PDE6D: variants seen among roughly 807,000 people sequenced by gnomAD.
PDE6D encodes phosphodiesterase 6D.
Under a neutral mutation model 21.9 loss-of-function variants are expected in PDE6D, and 10 were observed. The observed-to-expected ratio is 0.46, with a 90% CI of 0.28 to 0.78. The LOEUF (loss-of-function observed/expected upper bound fraction) is 0.78, where lower values mean the gene tolerates loss of function less well. Ranked by LOEUF, PDE6D falls within the 30% of genes least tolerant of loss-of-function variation. PDE6D has a pLI of 0.12. For synonymous variants in PDE6D, 59 were observed against 63.5 expected, an observed-to-expected ratio of 0.93 and a Z score of 0.34; for missense variants, 139 against 184.8, an observed-to-expected ratio of 0.75 and a Z score of 1.44.
At chr2:231,736,963 T>A (rs1400460656) in intron 4 of PDE6D, among the ~76,000 whole-genome samples, 1 of 152,234 alleles carries the variant, frequency 6.6e-6, no homozygotes, top group Non-Finnish European at 1.5e-5. Flanking sequence ...TGGTTTAATC[T>A]AAAGTTTTAT....
At chr2:231,766,977 G>C (rs1559330880) in intron 1 of PDE6D, among the ~76,000 whole-genome samples, 1 of 129,604 alleles carries the variant, frequency 7.7e-6, no homozygotes, top group African/African-American at 2.9e-5. Context: ...CTGGGTGACA[G>C]AGCGAGACTC....
At chr2:231,734,859 A>AAAC (rs1553555550) in intron 4 of PDE6D, among the ~76,000 whole-genome samples, 8 of 110,564 alleles carry the variant, frequency 7.2e-5, no homozygotes, top group African/African-American at 2.6e-4. Context: ...AAAAAAAAAC[A>AAAC]AAAAAAAAAA....
chr2:231,755,703 C>T (rs1012937432), intron 1 of PDE6D, among the ~76,000 whole-genome samples: 4 of 152,036 alleles, frequency 2.6e-5, no homozygotes, highest in Admixed American at 6.6e-5. Context: ...GGCGGATCAA[C>T]TGAGGTCAGG....
At chr2:231,778,450 T>C (rs1446336403) in intron 1 of PDE6D, among the ~76,000 whole-genome samples, 1 of 151,570 alleles carries the variant, frequency 6.6e-6, no homozygotes, top group African/African-American at 2.4e-5. Context: ...AAAACAAAAT[T>C]AACAAACAAT....
Position 231,781,281 on chromosome 2 carries a change from A to G in PDE6D, c.-167T>C. 1.6e-6 allele frequency: 1 copy of G among 627,594 alleles called. No homozygotes were observed. Among genetic ancestry groups the G allele is most frequent in the African/African-American group, 1.9e-5 (1 of 52,884 alleles). 38.9% of individuals were successfully genotyped at this position (627,594 alleles called of 1,614,324 possible). A position where few individuals can be genotyped will look rare whatever the true frequency, so the allele number is the denominator to read the frequency against. ...TCTCTCCCCTCAGCTCCCGCTTCTG[A>G]TCCCTTCTCCTTCCCCCTAGCCTCG... is the stretch of plus-strand genomic sequence containing the variant. On this transcript the variant is annotated 5_prime_UTR_variant, in exon 1 of 5. Coordinates refer to ENST00000287600, the MANE Select transcript of PDE6D (RefSeq NM_002601.4).
rs777570854 is a variant in PDE6D, at chr2:231,739,271, C to G, written c.51-83G>C. The G allele has an allele frequency of 2.3e-6, 2 of 854,648 alleles. No homozygotes were observed. The highest frequency in any genetic ancestry group is 4.1e-6 in the Non-Finnish European group (2 of 490,128). The allele number at this position is 854,648 out of a possible 1,614,324, so 52.9% of individuals were successfully genotyped here. A position where few individuals can be genotyped will look rare whatever the true frequency, so the allele number is the denominator to read the frequency against. ...CTAGGTGTCTCATGTTTACTCCCAC[C>G]AACTCTTGTTTACTTTTTAAAAAGT... is the stretch of plus-strand genomic sequence containing the variant. On this transcript the variant is annotated intron_variant, in intron 1 of 4. Transcript: ENST00000287600. This position sits in a 1 kb window ranked among gnomAD's most constrained non-coding sequence, Gnocchi z 4.2.
chr2:231,761,469 C>T (rs1559327137), intron 1 of PDE6D, among the ~76,000 whole-genome samples: 1 of 152,214 alleles, frequency 6.6e-6, no homozygotes, highest in African/African-American at 2.4e-5. Context: ...AGCCACCAGG[C>T]CTGGCCTATG....
chr2:231,765,104 GA>G (rs77929701), intron 1 of PDE6D, among the ~76,000 whole-genome samples: 8,961 of 133,664 alleles, frequency 0.067, 290 homozygotes, highest in South Asian at 0.098. Flanking sequence ...CCACGGAAGG[GA>G]AAAAAAAAAA....
intron 1 of PDE6D, among the ~76,000 whole-genome samples, chr2:231,760,425 T>C (rs1411874210): frequency 6.6e-6 from 1 of 152,244 alleles, no homozygotes; most frequent in Non-Finnish European, 1.5e-5. Flanking sequence ...ATTATTATTA[T>C]AGCTCTTACA....
intron 4 of PDE6D, 70 bp downstream of exon 4, chr2:231,737,117 A>C (rs2048707771): frequency 1.2e-6 from 1 of 832,486 alleles, no homozygotes; most frequent in Non-Finnish European, 2.0e-6. Context: ...GAATGGCACC[A>C]GGAGTCCCAC....
intron 1 of PDE6D, among the ~76,000 whole-genome samples, chr2:231,776,705 A>G (rs1342469500): frequency 6.6e-6 from 1 of 152,228 alleles, no homozygotes; most frequent in Non-Finnish European, 1.5e-5. Flanking sequence ...TATACATAAT[A>G]GTCACCCAAC....
intron 4 of PDE6D, among the ~76,000 whole-genome samples, chr2:231,735,331 G>C (rs1333595253): frequency 7.5e-6 from 1 of 133,368 alleles, no homozygotes. Context: ...GTGGAGTCTC[G>C]CCCTGTCACC....
At chr2:231,756,255 G>A (rs886623928) in intron 1 of PDE6D, among the ~76,000 whole-genome samples, 3 of 152,040 alleles carry the variant, frequency 2.0e-5, no homozygotes, top group African/African-American at 7.2e-5. Context: ...CAAAGGTTTG[G>A]GCAAGAAGAC....
intron 1 of PDE6D, among the ~76,000 whole-genome samples, chr2:231,770,569 G>GCA (rs2106285316): frequency 6.6e-6 from 1 of 152,248 alleles, no homozygotes; most frequent in East Asian, 1.9e-4. Flanking sequence ...GTTAATTCCA[G>GCA]CACTTGGGGA....
intron 1 of PDE6D, among the ~76,000 whole-genome samples, chr2:231,750,333 G>T (rs1326375568): frequency 6.6e-6 from 1 of 152,066 alleles, no homozygotes; most frequent in African/African-American, 2.4e-5. Context: ...TAATGTCAAA[G>T]TTGCATCTAA....
At chr2:231,764,078 G>C (rs1010777404) in intron 1 of PDE6D, among the ~76,000 whole-genome samples, 2 of 152,154 alleles carry the variant, frequency 1.3e-5, no homozygotes, top group Non-Finnish European at 2.9e-5. Flanking sequence ...AATAAGATAA[G>C]ACTTTTGCTC....
At chr2:231,754,084 T>C (rs1015445835) in intron 1 of PDE6D, among the ~76,000 whole-genome samples, 36 of 152,166 alleles carry the variant, frequency 2.4e-4, no homozygotes, top group African/African-American at 8.0e-4. Flanking sequence ...ATGATGACCA[T>C]AGGACCACAT....
At chr2:231,740,134 G>C (rs187891053) in intron 1 of PDE6D, among the ~76,000 whole-genome samples, 1 of 152,162 alleles carries the variant, frequency 6.6e-6, no homozygotes, top group African/African-American at 2.4e-5. Context: ...AATTTCTCTG[G>C]TTTGAGGTTA....
intron 1 of PDE6D, among the ~76,000 whole-genome samples, chr2:231,746,343 A>G (rs1357673227): frequency 6.6e-6 from 1 of 151,972 alleles, no homozygotes; most frequent in East Asian, 1.9e-4. Context: ...GGGTTTCACT[A>G]TGTTGCCCAG....
Sources: gnomAD v4.1 joint callset for allele counts (sites outside exome capture counted in the v4.1 genomes callset) on GRCh38, gnomAD v4.1.1 for gene constraint, Gnocchi (gnomAD v3.1) non-coding constraint, MANE v1.5 for transcripts, NCBI Gene and HGNC (gene_info 2026-07-23, HGNC 2026-07-21) for gene names.